The following CAMTA1 variants were observed in gnomAD, a reference collection of about 807,000 sequenced individuals.
The protein encoded by CAMTA1 is calmodulin binding transcription activator 1, also known as calmodulin-binding transcription activator 1.
A neutral mutation model predicts 170.9 loss-of-function variants in CAMTA1; 27 were observed. The ratio of observed to expected loss-of-function variants is 0.16; its 90% CI spans 0.12 to 0.22. CAMTA1 has a LOEUF of 0.22. CAMTA1 is among the 10% of genes least tolerant of loss of function. CAMTA1 has a pLI of 1.00. For synonymous variants in CAMTA1, 833 were observed against 891.5 expected, an observed-to-expected ratio of 0.93 and a Z score of 1.17; for missense variants, 1,619 against 2,217.2, an observed-to-expected ratio of 0.73 and a Z score of 5.42.
chr1:7,753,789 G>T (rs768456246), intron 21 of CAMTA1, among the ~76,000 whole-genome samples: 9 of 152,170 alleles, frequency 5.9e-5, no homozygotes, highest in Non-Finnish European at 1.3e-4. Context: ...CTCGCCCTGT[G>T]CCTCAGCAAC....
chr1:7,440,053 C>A (rs1165834722), intron 5 of CAMTA1, among the ~76,000 whole-genome samples: 2 of 152,256 alleles, frequency 1.3e-5, no homozygotes, highest in African/African-American at 4.8e-5. Context: ...GGGCGGGTAC[C>A]CGCACTGGGC....
intron 3 of CAMTA1, among the ~76,000 whole-genome samples, chr1:6,848,112 G>A (rs1204562160): frequency 6.6e-6 from 1 of 152,034 alleles, no homozygotes; most frequent in African/African-American, 2.4e-5. Context: ...AGTGTGCCAG[G>A]ATTACAGGCA....
intron 6 of CAMTA1, among the ~76,000 whole-genome samples, chr1:7,569,366 C>G (rs1439985103): frequency 6.6e-6 from 1 of 151,374 alleles, no homozygotes; most frequent in African/African-American, 2.4e-5. Context: ...CCATCACCAC[C>G]ACCAACCATC....
chr1:6,968,702 G>A (rs899579927), intron 3 of CAMTA1, among the ~76,000 whole-genome samples: 4 of 151,754 alleles, frequency 2.6e-5, no homozygotes, highest in African/African-American at 9.7e-5. Context: ...AAATTCTACC[G>A]TAGCAAGTGC....
At chr1:7,760,352 A>G (rs538960559) in intron 22 of CAMTA1, among the ~76,000 whole-genome samples, 113 of 152,266 alleles carry the variant, frequency 7.4e-4, no homozygotes, top group African/African-American at 2.7e-3. Flanking sequence ...TTACGCTTAC[A>G]CTTTTGGCTG....
intron 3 of CAMTA1, among the ~76,000 whole-genome samples, chr1:7,055,005 T>G (rs1163985876): frequency 6.6e-6 from 1 of 151,232 alleles, no homozygotes; most frequent in Non-Finnish European, 1.5e-5. Context: ...AGTGGGGAGG[T>G]GCCACACACT....
rs2150014294 is a variant in CAMTA1, at chr1:7,738,582, T to C, written c.4182+100T>C. On this transcript the variant is annotated intron_variant, in intron 16 of 22. Coordinates refer to ENST00000303635, the MANE Select transcript of CAMTA1 (RefSeq NM_015215.4). This position sits in a 1 kb window ranked among gnomAD's most constrained non-coding sequence, Gnocchi z 4.9. ...GAAGGTTGTGTCATTTTCCTCCCCGTGAAGCCTTCGAAGTTGGCTTTGTGC... is the reference window on the plus strand; with the variant it reads ...GAAGGTTGTGTCATTTTCCTCCCCGCGAAGCCTTCGAAGTTGGCTTTGTGC... The C allele has an allele frequency of 7.4e-7, 1 of 1,344,396 alleles. No homozygotes were observed. The highest frequency in any genetic ancestry group is 1.5e-5 in the African/African-American group (1 of 68,456). 83.3% of individuals were successfully genotyped at this position (1,344,396 alleles called of 1,614,324 possible). A position where few individuals can be genotyped will look rare whatever the true frequency, so the allele number is the denominator to read the frequency against.
At chr1:7,322,962 T>TCCCC (rs1557514741) in intron 5 of CAMTA1, among the ~76,000 whole-genome samples, 5 of 70,814 alleles carry the variant, frequency 7.1e-5, no homozygotes, top group Admixed American at 6.3e-4. Flanking sequence ...TCCCCTCCCC[T>TCCCC]TCCTCCGTTC....
intron 16 of CAMTA1, among the ~76,000 whole-genome samples, chr1:7,742,314 G>A (rs958976911): frequency 1.9e-4 from 29 of 151,880 alleles, no homozygotes; most frequent in African/African-American, 6.8e-4. Flanking sequence ...GATATGAAAA[G>A]CATATGAACA....
At chr1:6,942,712 C>T (rs1212819208) in intron 3 of CAMTA1, among the ~76,000 whole-genome samples, 2 of 152,124 alleles carry the variant, frequency 1.3e-5, no homozygotes, top group African/African-American at 4.8e-5. Flanking sequence ...GTGCCACAAA[C>T]GGAGAAGGGA....
Position 7,639,956 on chromosome 1 carries a change from G to A in CAMTA1, c.511-444G>A, listed in dbSNP as rs180897522. ...ATCCCGCAAGCTGTGAGGGGGCAAC[G>A]CGTGTTGGGCGTGAAGGAGGGAGAG... On this transcript the variant is annotated intron_variant, in intron 6 of 22. Transcript: ENST00000303635. 3.1e-3 allele frequency among the ~76,000 whole-genome samples: 472 copies of A among 152,234 alleles called. 1 individual carries two copies. Among genetic ancestry groups the A allele is most frequent in the African/African-American group, 0.01 (433 of 41,546 alleles).
At chr1:6,821,525 T>G (rs1436799382) in intron 2 of CAMTA1, among the ~76,000 whole-genome samples, 3 of 152,166 alleles carry the variant, frequency 2.0e-5, no homozygotes, top group African/African-American at 4.8e-5. Context: ...ATATTCCCAA[T>G]AAGATTTAGC....
At chr1:6,964,899 C>T (rs975944632) in intron 3 of CAMTA1, among the ~76,000 whole-genome samples, 2 of 152,180 alleles carry the variant, frequency 1.3e-5, no homozygotes, top group African/African-American at 4.8e-5. Context: ...CTGTCTTCCA[C>T]CGTGTCTTTT....
chr1:7,398,185 C>CA (rs2089532457), intron 5 of CAMTA1, among the ~76,000 whole-genome samples: 1 of 46,542 alleles, frequency 2.1e-5, no homozygotes, highest in African/African-American at 8.7e-5. Flanking sequence ...CTCTCTCTCT[C>CA]TCTCTCTCTA....
At chr1:7,587,825 G>A (rs2095323751) in intron 6 of CAMTA1, among the ~76,000 whole-genome samples, 1 of 152,100 alleles carries the variant, frequency 6.6e-6, no homozygotes, top group Admixed American at 6.5e-5. Flanking sequence ...CCATGGGAGG[G>A]TCATGGGGAA....
intron 3 of CAMTA1, among the ~76,000 whole-genome samples, chr1:7,081,611 A>G (rs1640019133): frequency 6.6e-6 from 1 of 152,154 alleles, no homozygotes; most frequent in Non-Finnish European, 1.5e-5. Context: ...AATGCCATAA[A>G]TATCAGAGTA....
chr1:7,616,324 A>G (rs1386960524), intron 6 of CAMTA1, among the ~76,000 whole-genome samples: 1 of 152,256 alleles, frequency 6.6e-6, no homozygotes, highest in African/African-American at 2.4e-5. Flanking sequence ...TGAAATTAAA[A>G]TCACTTCTTT....
At chr1:6,850,759 C>A (rs1557694471) in intron 3 of CAMTA1, among the ~76,000 whole-genome samples, 1 of 152,160 alleles carries the variant, frequency 6.6e-6, no homozygotes, top group Non-Finnish European at 1.5e-5. Flanking sequence ...AGATGAGAAG[C>A]TGGACGGCTG....
At chr1:7,465,835 C>T (rs996976099) in intron 5 of CAMTA1, among the ~76,000 whole-genome samples, 14 of 152,122 alleles carry the variant, frequency 9.2e-5, no homozygotes, top group Non-Finnish European at 1.8e-4. Context: ...GGCAGGCAAT[C>T]GAGGGAGAAG....
Sources: allele counts gnomAD v4.1 joint callset (sites outside exome capture counted in the v4.1 genomes callset), GRCh38; gene constraint gnomAD v4.1.1; non-coding constraint Gnocchi (gnomAD v3.1); transcripts MANE v1.5; gene names NCBI Gene and HGNC (gene_info 2026-07-23, HGNC 2026-07-21).